Variants in BTBD9 observed in about 807,000 individuals in gnomAD.
BTBD9 encodes the protein BTB/POZ domain-containing protein 9.
BTBD9 carries 49 observed loss-of-function variants against 64.3 expected under a neutral mutation model. The ratio of observed to expected loss-of-function variants is 0.76; its 90% CI spans 0.61 to 0.97. BTBD9 has a LOEUF of 0.97. Among genes scored for constraint, BTBD9 ranks in the 50% least tolerant of loss-of-function variants. The pLI, the probability that BTBD9 is intolerant of heterozygous loss-of-function variation, is 0.00. For missense variants in BTBD9, 598 were observed against 762.1 expected, an observed-to-expected ratio of 0.78 and a Z score of 2.53; for synonymous variants, 260 against 274.7, an observed-to-expected ratio of 0.95 and a Z score of 0.53.
intron 6 of BTBD9, among the ~76,000 whole-genome samples, chr6:38,414,459 T>C (rs1008435587): frequency 3.9e-5 from 6 of 152,150 alleles, no homozygotes; most frequent in Non-Finnish European, 4.4e-5. Flanking sequence ...TCATCATTTT[T>C]CCCCCAACCA....
chr6:38,394,326 T>C lies in BTBD9; in HGVS notation c.1155-49233A>G, dbSNP rs575087361. Among the ~76,000 whole-genome samples, 25 of 152,068 alleles carry C rather than the reference T, an allele frequency of 1.6e-4. No homozygotes were observed. In the South Asian group the frequency reaches 5.0e-3, roughly 30 times the overall value. ...GGTGATAGGGTGGGGGCTGTCCTGG[T>C]AAAAAGAATGCTTCTCACAGAAAGA... On this transcript the variant is annotated intron_variant, in intron 6 of 10. Coordinates refer to ENST00000481247, the MANE Select transcript of BTBD9 (RefSeq NM_001099272.2).
At chr6:38,580,112 G>T in intron 5 of BTBD9, 106 bp downstream of exon 5, 1 of 1,055,218 alleles carries the variant, frequency 9.5e-7, no homozygotes, top group Non-Finnish European at 1.4e-6. Context: ...ATAGCAGAAT[G>T]ATCACAAAGA....
intron 7 of BTBD9, among the ~76,000 whole-genome samples, chr6:38,334,546 G>A (rs974544928): frequency 6.6e-5 from 10 of 151,698 alleles, no homozygotes; most frequent in African/African-American, 2.2e-4. Flanking sequence ...TCCAGCCTGG[G>A]TGACAGAGCG....
chr6:38,589,288 T>A (rs143652193), intron 4 of BTBD9, among the ~76,000 whole-genome samples: 1 of 152,204 alleles, frequency 6.6e-6, no homozygotes, highest in African/African-American at 2.4e-5. Context: ...TACTGACCAG[T>A]TGATCAATTC....
intron 6 of BTBD9, among the ~76,000 whole-genome samples, chr6:38,353,777 G>A (rs573990222): frequency 5.5e-4 from 84 of 152,250 alleles, no homozygotes; most frequent in African/African-American, 1.9e-3. Flanking sequence ...AGACAAATGA[G>A]TCTAATGGAA....
intron 9 of BTBD9, among the ~76,000 whole-genome samples, chr6:38,207,938 G>A (rs115993408): frequency 0.07 from 10,626 of 151,900 alleles, 496 homozygotes; most frequent in Non-Finnish European, 0.098. Context: ...AAAGTCTTGT[G>A]GTTTTACTTC....
intron 1 of BTBD9, among the ~76,000 whole-genome samples, chr6:38,617,691 T>A (rs911656688): frequency 5.3e-5 from 8 of 152,120 alleles, no homozygotes; most frequent in African/African-American, 1.9e-4. Context: ...TCCTTCCTAT[T>A]CAAATGATGA....
rs191516414 is a variant in BTBD9, at chr6:38,563,926, C to T, written c.1154+13674G>A. On this transcript the variant is annotated intron_variant, in intron 6 of 10. Coordinates refer to ENST00000481247, the MANE Select transcript of BTBD9 (RefSeq NM_001099272.2). Reference sequence around the variant, plus strand: ...CCTCCCGAGTAGCTGGGACTACAGGCGCCCGCCACCACGCCTGGCTAACTT... The same window carrying T: ...CCTCCCGAGTAGCTGGGACTACAGGTGCCCGCCACCACGCCTGGCTAACTT... 2.6e-4 allele frequency among the ~76,000 whole-genome samples: 40 copies of T among 152,032 alleles called. No homozygotes were observed. In the East Asian group the frequency reaches 6.4e-3, roughly 24 times the overall value.
intron 9 of BTBD9, among the ~76,000 whole-genome samples, chr6:38,250,821 C>T (rs1764367544): frequency 6.6e-6 from 1 of 152,064 alleles, no homozygotes; most frequent in Non-Finnish European, 1.5e-5. Context: ...GCCTGTAATC[C>T]CAGCACTTTG....
In BTBD9 at chr6:38,174,971, G is replaced by C; in HGVS notation, c.*14C>G. On this transcript the variant is annotated 3_prime_UTR_variant, in exon 11 of 11. Transcript: ENST00000481247. ...GCCCGAGCCCACCAAGTCACACCAG[G>C]CCCGCTGCCTCCTTTATTGGTGCTG... The C allele has an allele frequency of 2.5e-6, 4 of 1,613,210 alleles. No individual in the cohort carries two copies. Among genetic ancestry groups the C allele is most frequent in the Non-Finnish European group, 3.4e-6 (4 of 1,180,030 alleles).
At chr6:38,603,082 G>T (rs1010382324) in intron 1 of BTBD9, among the ~76,000 whole-genome samples, 1 of 152,122 alleles carries the variant, frequency 6.6e-6, no homozygotes, top group Non-Finnish European at 1.5e-5. Context: ...ACAGCATAGG[G>T]CAAGGGTAAT....
intron 6 of BTBD9, among the ~76,000 whole-genome samples, chr6:38,550,165 G>A (rs984428076): frequency 6.6e-6 from 1 of 151,966 alleles, no homozygotes; most frequent in African/African-American, 2.4e-5. Flanking sequence ...ACATCTAAAA[G>A]GCATCTCAGA....
At chr6:38,389,097 G>A (rs1766301817) in intron 6 of BTBD9, among the ~76,000 whole-genome samples, 1 of 152,068 alleles carries the variant, frequency 6.6e-6, no homozygotes, top group Non-Finnish European at 1.5e-5. Context: ...ATAGTATAGT[G>A]ATTAATTAAT....
chr6:38,518,361 T>C (rs984321567), intron 6 of BTBD9, among the ~76,000 whole-genome samples: 1 of 152,256 alleles, frequency 6.6e-6, no homozygotes, highest in African/African-American at 2.4e-5. Flanking sequence ...GTAATCACCA[T>C]GGTTCCATTA....
intron 6 of BTBD9, among the ~76,000 whole-genome samples, chr6:38,507,570 C>A (rs1772583639): frequency 1.3e-5 from 2 of 152,186 alleles, no homozygotes; most frequent in African/African-American, 4.8e-5. Flanking sequence ...GTCTTACTGA[C>A]CTCTCCGTGA....
chr6:38,484,304 A>G (rs1298995704), intron 6 of BTBD9, among the ~76,000 whole-genome samples: 1 of 152,232 alleles, frequency 6.6e-6, no homozygotes, highest in African/African-American at 2.4e-5. Context: ...ATGTCTAATG[A>G]GGATTAAATA....
Position 38,210,277 on chromosome 6 carries a change from C to T in BTBD9, c.1563-17680G>A, listed in dbSNP as rs181787532. ...TATTCGTCTTCGATAATAGCACGAA[C>T]ATAATTTAGATAATTATCTCTCTCT... On this transcript the variant is annotated intron_variant, in intron 9 of 10. Transcript: ENST00000481247. Among the ~76,000 whole-genome samples, 232 of 151,656 alleles carry T rather than the reference C, an allele frequency of 1.5e-3. 2 individuals carry two copies. Among genetic ancestry groups the T allele is most frequent in the African/African-American group, 5.1e-3 (208 of 41,088 alleles).
intron 8 of BTBD9, among the ~76,000 whole-genome samples, chr6:38,282,222 G>A (rs1761538825): frequency 6.6e-6 from 1 of 152,148 alleles, no homozygotes; most frequent in Non-Finnish European, 1.5e-5. Flanking sequence ...GCATGAAAAT[G>A]ATATAATTAC....
intron 7 of BTBD9, among the ~76,000 whole-genome samples, chr6:38,303,953 A>G (rs12202139): frequency 0.19 from 20,314 of 107,904 alleles, 1,598 homozygotes; most frequent in African/African-American, 0.28. Context: ...GTGTGTGTGT[A>G]TATATATATA....
Sources: allele counts gnomAD v4.1 joint callset (sites outside exome capture counted in the v4.1 genomes callset), GRCh38; gene constraint gnomAD v4.1.1; transcripts MANE v1.5; gene names NCBI Gene and HGNC (gene_info 2026-07-23, HGNC 2026-07-21).